The following MITF variants were observed in gnomAD, a reference collection of about 807,000 sequenced individuals.
The protein encoded by MITF is microphthalmia-associated transcription factor.
MITF carries 17 observed loss-of-function variants against 60.5 expected under a neutral mutation model. That is an observed-to-expected ratio of 0.28 (90% CI 0.19 to 0.42). The LOEUF is 0.42. Among genes scored for constraint, MITF ranks in the 10% least tolerant of loss-of-function variants. The pLI is 1.00. For missense variants in MITF, 622 were observed against 683.5 expected (o/e 0.91, Z 1.00); for synonymous variants, 260 against 248.5 (o/e 1.05, Z -0.43).
intron 1 of MITF, among the ~76,000 whole-genome samples, chr3:69,842,020 C>T (rs2063646308): frequency 6.6e-6 from 1 of 152,150 alleles, no homozygotes; most frequent in Non-Finnish European, 1.5e-5. Flanking sequence ...TTTGTTAAAT[C>T]TCCCGTTGAT....
chr3:69,752,529 T>A (rs1381230526), intron 1 of MITF: 1 of 152,220 alleles, frequency 6.6e-6, no homozygotes. Flanking sequence ...TAGGGATCTG[T>A]GGAACTTTTA....
At chr3:69,800,161 T>C (rs2062895054) in intron 1 of MITF, among the ~76,000 whole-genome samples, 1 of 152,226 alleles carries the variant, frequency 6.6e-6, no homozygotes, top group South Asian at 2.1e-4. Flanking sequence ...TTTGTCTTCA[T>C]GGATTTGCCT....
chr3:69,940,688 G>A (rs889852501), intron 4 of MITF, among the ~76,000 whole-genome samples: 3 of 152,120 alleles, frequency 2.0e-5, no homozygotes, highest in African/African-American at 2.4e-5. Flanking sequence ...CACTACAGAC[G>A]GTGTTTTCCT....
At chr3:69,789,500 T>G (rs964258775) in intron 1 of MITF, among the ~76,000 whole-genome samples, 1 of 152,078 alleles carries the variant, frequency 6.6e-6, no homozygotes, top group African/African-American at 2.4e-5. Context: ...TTGTTGAGAA[T>G]GTAAAGAAAG....
intron 1 of MITF, among the ~76,000 whole-genome samples, chr3:69,802,224 G>A (rs2062933331): frequency 6.6e-6 from 1 of 152,018 alleles, no homozygotes; most frequent in Non-Finnish European, 1.5e-5. Context: ...GCATCTCCTG[G>A]GTATAGGCCA....
chr3:69,804,203 G>A (rs1297698962), intron 1 of MITF, among the ~76,000 whole-genome samples: 1 of 152,176 alleles, frequency 6.6e-6, no homozygotes, highest in Non-Finnish European at 1.5e-5. Context: ...TGTTACGACA[G>A]ACAATGTAAG....
At chr3:69,870,424 G>GTATA (rs1217631745) in intron 1 of MITF, among the ~76,000 whole-genome samples, 31 of 145,198 alleles carry the variant, frequency 2.1e-4, no homozygotes, top group African/African-American at 7.3e-4. Flanking sequence ...ATATGTGTGT[G>GTATA]TATATATATA....
chr3:69,824,685 C>T (rs1269635366), intron 1 of MITF, among the ~76,000 whole-genome samples: 1 of 152,196 alleles, frequency 6.6e-6, no homozygotes, highest in Non-Finnish European at 1.5e-5. Flanking sequence ...TCTCTAGCAC[C>T]ATGTTCCTCC....
At chr3:69,843,078 C>T (rs986090734) in intron 1 of MITF, among the ~76,000 whole-genome samples, 3 of 152,082 alleles carry the variant, frequency 2.0e-5, no homozygotes, top group Non-Finnish European at 2.9e-5. Flanking sequence ...TAGAATACCT[C>T]GCTCCAGGTC....
At chr3:69,763,905 G>T in intron 1 of MITF, 2 of 1,375,514 alleles carry the variant, frequency 1.5e-6, no homozygotes, top group South Asian at 2.4e-5. Flanking sequence ...CTGTGAAAAG[G>T]AAACCAGGAA....
At chr3:69,839,849 T>C (rs2063603728) in intron 1 of MITF, among the ~76,000 whole-genome samples, 1 of 152,050 alleles carries the variant, frequency 6.6e-6, no homozygotes, top group African/African-American at 2.4e-5. Flanking sequence ...TTCTCAGTGC[T>C]GTGGATCTCA....
At chr3:69,785,672 A>G (rs913376204) in intron 1 of MITF, among the ~76,000 whole-genome samples, 4 of 152,170 alleles carry the variant, frequency 2.6e-5, no homozygotes, top group Admixed American at 2.6e-4. Flanking sequence ...TGACCTGAAG[A>G]TTGTCTTTTC....
intron 1 of MITF, among the ~76,000 whole-genome samples, chr3:69,790,025 G>A (rs1335114918): frequency 6.6e-6 from 1 of 152,166 alleles, no homozygotes; most frequent in African/African-American, 2.4e-5. Flanking sequence ...CAACCCAAAT[G>A]TCCATCAGCA....
chr3:69,863,056 T>G (rs1575837105), intron 1 of MITF, among the ~76,000 whole-genome samples: 1 of 152,140 alleles, frequency 6.6e-6, no homozygotes, highest in Admixed American at 6.5e-5. Context: ...GAAACACATC[T>G]GAATAGTACA....
intron 1 of MITF, among the ~76,000 whole-genome samples, chr3:69,869,153 T>C (rs1051891192): frequency 2.0e-5 from 3 of 152,156 alleles, no homozygotes; most frequent in Non-Finnish European, 4.4e-5. Context: ...AGAATATTTG[T>C]TGGGAGACAG....
chr3:69,763,811 C>T (rs1273113973), intron 1 of MITF: 1 of 1,363,990 alleles, frequency 7.3e-7, no homozygotes, highest in Non-Finnish European at 9.8e-7. Flanking sequence ...CTTGGGAATT[C>T]AGACCTATTC....
chr3:69,911,977 T>C (rs940955458), intron 2 of MITF, among the ~76,000 whole-genome samples: 3 of 152,230 alleles, frequency 2.0e-5, no homozygotes, highest in African/African-American at 4.8e-5. Context: ...TGCAGCATTA[T>C]CTGTGATTGC....
chr3:69,741,491 A>G (rs1399186781), intron 1 of MITF, among the ~76,000 whole-genome samples: 1 of 152,166 alleles, frequency 6.6e-6, no homozygotes, highest in Non-Finnish European at 1.5e-5. Flanking sequence ...CGTGAAACTC[A>G]TGTTGCACGA....
chr3:69,749,151 GC>G (rs1703836728), intron 1 of MITF, among the ~76,000 whole-genome samples: 1 of 152,174 alleles, frequency 6.6e-6, no homozygotes, highest in Non-Finnish European at 1.5e-5. Flanking sequence ...CCTGGTGAAG[GC>G]TACTAGAGAA....
Sources: gnomAD v4.1 joint callset for allele counts (sites outside exome capture counted in the v4.1 genomes callset) on GRCh38, gnomAD v4.1.1 for gene constraint, MANE v1.5 for transcripts, NCBI Gene and HGNC (gene_info 2026-07-23, HGNC 2026-07-21) for gene names.